The following OGA variants were observed in gnomAD, a reference collection of about 807,000 sequenced individuals.
The protein encoded by OGA is O-GlcNAcase.
A neutral mutation model predicts 102.0 loss-of-function variants in OGA; 21 were observed. That is an observed-to-expected ratio of 0.21 (90% confidence interval 0.15 to 0.30). The LOEUF is 0.30. OGA is among the 10% of genes least tolerant of loss of function. The probability of loss-of-function intolerance (pLI) is 1.00; values close to 1 mark genes in which losing one functional copy is unlikely to be tolerated. For missense variants in OGA, 765 were observed against 1,107.8 expected, an observed-to-expected ratio of 0.69 and a Z score of 4.39; for synonymous variants, 408 against 378.2, an observed-to-expected ratio of 1.08 and a Z score of -0.91.
Position 101,800,337 on chromosome 10 carries a change from T to C in OGA, c.1100A>G (p.Asp367Gly). Residue 367 changes from aspartate to glycine, a missense_variant, in exon 8 of 16, where the codon GAT (aspartate) becomes GGT (glycine). This residue lies in a region of OGA where 281 missense variants were observed against 345.8 expected (regional missense o/e 0.81). Coordinates refer to ENST00000361464, the MANE Select transcript of OGA (RefSeq NM_012215.5). ...ACTATAGAGTACATCAGTTTCAATATCTTCATCACTGCCTTCATTTTCTAA... is the reference window on the plus strand; with the variant it reads ...ACTATAGAGTACATCAGTTTCAATACCTTCATCACTGCCTTCATTTTCTAA... ...IKLENEGSDE[D>G]IETDVLYSPQ... 1 of 1,612,884 alleles carries C rather than the reference T, an allele frequency of 6.2e-7. No individual in the cohort carries two copies. The highest frequency in any genetic ancestry group is 8.5e-7 in the Non-Finnish European group (1 of 1,178,808).
intron 5 of OGA, 114 bp downstream of exon 5, chr10:101,807,616 C>T (rs2065492975): frequency 1.3e-6 from 1 of 747,158 alleles, no homozygotes; most frequent in Non-Finnish European, 2.0e-6. Flanking sequence ...AAAAAGATTC[C>T]TACTTTTACA....
In OGA at chr10:101,818,347, C is replaced by T; in HGVS notation, c.-325G>A. The T allele has an allele frequency of 8.9e-7, 1 of 1,117,494 alleles. No homozygotes were observed. The highest frequency in any genetic ancestry group is 1.1e-6 in the Non-Finnish European group (1 of 912,378). The allele number at this position is 1,117,494 out of a possible 1,614,324, so 69.2% of individuals were successfully genotyped here. A position where few individuals can be genotyped will look rare whatever the true frequency, so the allele number is the denominator to read the frequency against. ...GTCCTGTCCTCGTTCTCTGCCTCTG[C>T]TGCCCTCCCGATAATCTTAGGTCTT... is the stretch of plus-strand genomic sequence containing the variant. On this transcript the variant is annotated 5_prime_UTR_variant, in exon 1 of 16. Transcript: ENST00000361464.
chr10:101,794,087 G>A, intron 10 of OGA, 89 bp from the exon 11 acceptor site: 10 of 842,670 alleles, frequency 1.2e-5, no homozygotes, highest in Non-Finnish European at 2.0e-5. Flanking sequence ...AACACTTCGT[G>A]GAAATAACTC....
intron 7 of OGA, among the ~76,000 whole-genome samples, chr10:101,801,373 C>CA (rs2065389510): frequency 7.5e-6 from 1 of 133,794 alleles, no homozygotes; most frequent in African/African-American, 2.8e-5. Flanking sequence ...GCCTGAGCAA[C>CA]AAGAGCAAGA....
At chr10:101,803,368 T>A (rs2065421380) in intron 7 of OGA, among the ~76,000 whole-genome samples, 1 of 150,718 alleles carries the variant, frequency 6.6e-6, no homozygotes, top group South Asian at 2.1e-4. Context: ...ATTTATTTCA[T>A]AGGATTTTCA....
Position 101,792,764 on chromosome 10 carries a change from C to T in OGA, c.2175+75G>A, listed in dbSNP as rs2065273944. On this transcript the variant is annotated intron_variant, in intron 12 of 15. Coordinates refer to ENST00000361464, the MANE Select transcript of OGA (RefSeq NM_012215.5). ...TTTTAAGACAGAAGGATTCCTTTAA[C>T]CAGTGAGTTAAAAGGTTAAGTTTTA... 1.5e-5 allele frequency: 15 copies of T among 1,021,174 alleles called. 2 individuals are homozygous for T. The South Asian group carries it at 2.3e-4, about 15-fold the overall frequency. 63.3% of individuals were successfully genotyped at this position (1,021,174 alleles called of 1,614,324 possible).
chr10:101,808,628 G>A (rs1002403395), intron 4 of OGA, among the ~76,000 whole-genome samples: 4 of 151,946 alleles, frequency 2.6e-5, no homozygotes, highest in African/African-American at 9.7e-5. Context: ...ATAAATCTTT[G>A]CCTAAAGAAA....
Position 101,798,834 on chromosome 10 carries a change from A to G in OGA, c.1809+8T>C, listed in dbSNP as rs2065353256. The G allele has an allele frequency of 1.2e-6, 2 of 1,607,542 alleles. No homozygotes were observed. The highest frequency in any genetic ancestry group is 2.7e-5 in the African/African-American group (2 of 74,752). ...GGCTTCAGCAGCAGGTACATTAAACATACTCACTTTTTCAGAGTCTTTTCC... is the reference window on the plus strand; with the variant it reads ...GGCTTCAGCAGCAGGTACATTAAACGTACTCACTTTTTCAGAGTCTTTTCC... On this transcript the variant is annotated splice_region_variant and intron_variant, in intron 9 of 15. Transcript: ENST00000361464.
chr10:101,795,062 A>G (rs746012197), intron 10 of OGA, among the ~76,000 whole-genome samples: 7 of 152,234 alleles, frequency 4.6e-5, no homozygotes, highest in Non-Finnish European at 1.0e-4. Context: ...TACTTTTAAA[A>G]AACATAAAAT....
At position 101,818,196 on chromosome 10, in the gene OGA, G is replaced by A. The variant is rs1589846313; in HGVS notation, c.-174C>T. On this transcript the variant is annotated 5_prime_UTR_variant, in exon 1 of 16. Transcript: ENST00000361464. The stretch of plus-strand genomic sequence containing the variant: ...TCCGCAGGGACCCGAATGCCCGGAT[G>A]AGAAGGGCGGCGGCACCGGCGCGAG... The A allele has an allele frequency of 7.4e-7, 1 of 1,351,668 alleles. No individual in the cohort carries two copies. Among genetic ancestry groups the A allele is most frequent in the Non-Finnish European group, 9.5e-7 (1 of 1,055,638 alleles). The allele number at this position is 1,351,668 out of a possible 1,614,324, so 83.7% of individuals were successfully genotyped here.
intron 7 of OGA, among the ~76,000 whole-genome samples, chr10:101,801,168 A>G (rs1448792804): frequency 6.6e-6 from 1 of 151,942 alleles, no homozygotes; most frequent in East Asian, 1.9e-4. Context: ...AGGCGGGCAA[A>G]TCACCTGAGG....
In OGA at chr10:101,803,717, CAAGT is replaced by C. The variant is rs1280615677; in HGVS notation, c.1036+14_1036+17del. On this transcript the variant is annotated intron_variant, in intron 7 of 15. Transcript: ENST00000361464. ...CAGCTCTCCTCCCAAGGTGAAAGAT[CAAGT>C]ACAGGCTACTTACTCATCACTACAT... 1.4e-5 allele frequency: 23 copies of C among 1,603,196 alleles called. No homozygotes were observed. In the East Asian group the frequency reaches 5.1e-4, roughly 36 times the overall value.
Position 101,806,099 on chromosome 10 carries a change from A to G in OGA, c.697T>C (p.Tyr233His). Reference protein sequence around the residue: ...FCYPNVSQSPYLRTVGEKLLP... With the variant: ...FCYPNVSQSPHLRTVGEKLLP... ...AGCTTTTCACCCACAGTCCTTAAAT[A>G]TGGAGACTGAGACACATTTGGATAA... is the stretch of plus-strand genomic sequence containing the variant. The change falls in exon 6 of 16, where the codon TAT becomes CAT. Residue 233 changes from tyrosine to histidine, a missense_variant. Tyr to His is a moderately conservative substitution (Grantham distance 83). This residue lies in a region of OGA where 165 missense variants were observed against 249.7 expected (regional missense o/e 0.66). Coordinates refer to ENST00000361464, the MANE Select transcript of OGA (RefSeq NM_012215.5). 1 of 1,612,134 alleles carries G rather than the reference A, an allele frequency of 6.2e-7. No individual in the cohort carries two copies. The highest frequency in any genetic ancestry group is 8.5e-7 in the Non-Finnish European group (1 of 1,178,118).
intron 4 of OGA, among the ~76,000 whole-genome samples, chr10:101,809,450 G>A (rs543595381): frequency 1.4e-4 from 22 of 152,214 alleles, no homozygotes; most frequent in South Asian, 6.2e-4. Flanking sequence ...GTGCACTGGC[G>A]CACGACTGTA....
Position 101,804,987 on chromosome 10 carries a change from G to A in OGA, c.752-968C>T, listed in dbSNP as rs181620279. 3.9e-5 allele frequency among the ~76,000 whole-genome samples: 6 copies of A among 152,198 alleles called. No homozygotes were observed. In the South Asian group the frequency reaches 1.2e-3, roughly 32 times the overall value. On this transcript the variant is annotated intron_variant, in intron 6 of 15. Coordinates refer to ENST00000361464, the MANE Select transcript of OGA (RefSeq NM_012215.5). ...AGAAGAGTTTCCTAACGCTGCTTAA[G>A]GATGGGATCAATACCTTTTAGCCCA...
chr10:101,799,729 AAT>A (rs1223638876), intron 8 of OGA, among the ~76,000 whole-genome samples: 3 of 152,238 alleles, frequency 2.0e-5, no homozygotes, highest in African/African-American at 4.8e-5. Context: ...TACTTCAAAA[AAT>A]ATGTTTTTAA....
intron 7 of OGA, among the ~76,000 whole-genome samples, chr10:101,803,077 G>C (rs2065415860): frequency 1.3e-5 from 2 of 149,750 alleles, no homozygotes; most frequent in African/African-American, 4.9e-5. Flanking sequence ...GGAAGCAGAG[G>C]TTGCAGCGAG....
chr10:101,790,935 A>G lies in OGA; in HGVS notation c.2415T>C (p.Tyr805=). The change falls in exon 14 of 16, where the codon TAT becomes TAC. Residue 805 remains tyrosine (Y), a synonymous_variant. Coordinates refer to ENST00000361464, the MANE Select transcript of OGA (RefSeq NM_012215.5). Reference sequence around the variant, plus strand: ...GTTCCTTGTCACCATTTGGCTTGGTATACTTCTCCTGCATGAAGGGGATCC... The same window carrying G: ...GTTCCTTGTCACCATTTGGCTTGGTGTACTTCTCCTGCATGAAGGGGATCC... The part of the protein sequence containing the change: ...ISWIPFMQEK[Y]TKPNGDKELS... 1.9e-6 allele frequency: 3 copies of G among 1,613,318 alleles called. No individual in the cohort carries two copies. Among genetic ancestry groups the G allele is most frequent in the Non-Finnish European group, 2.5e-6 (3 of 1,179,466 alleles).
chr10:101,787,811 C>T (rs996602699), intron 14 of OGA: 5 of 269,014 alleles, frequency 1.9e-5, no homozygotes, highest in Non-Finnish European at 3.6e-5. Flanking sequence ...GGGCTGGTCT[C>T]GAATTCCTGG....
Sources: gnomAD v4.1 joint callset for allele counts (sites outside exome capture counted in the v4.1 genomes callset) on GRCh38, gnomAD v4.1.1 for gene constraint, gnomAD v4.1.1 regional missense constraint, MANE v1.5 for transcripts, NCBI Gene and HGNC (gene_info 2026-07-23, HGNC 2026-07-21) for gene names.